KCNQ1: variants seen among roughly 807,000 people sequenced by gnomAD.
The protein encoded by KCNQ1 is potassium voltage-gated channel subfamily Q member 1, also known as potassium voltage-gated channel subfamily KQT member 1.
Under a neutral mutation model 72.4 loss-of-function variants are expected in KCNQ1, and 49 were observed. That is an observed-to-expected ratio of 0.68 (90% CI 0.54 to 0.86). The LOEUF (loss-of-function observed/expected upper bound fraction) is 0.86, where lower values mean the gene tolerates loss of function less well. KCNQ1 is among the 40% of genes least tolerant of loss of function. The pLI is 0.00. For synonymous variants in KCNQ1, 450 were observed against 412.6 expected (o/e 1.09, Z -1.10); for missense variants, 790 against 945.1 (o/e 0.84, Z 2.15).
rs1847538489 is a variant in KCNQ1 at position 2,813,608 on chromosome 11, T to C, written c.1795-34159T>C. On this transcript the variant is annotated intron_variant, in intron 15 of 15. Transcript: ENST00000155840. This position sits in a 1 kb window ranked among gnomAD's most constrained non-coding sequence, Gnocchi z 4.4. ...GTCGAGGGGGCAGGGACTCAAAGGA[T>C]GAGAGAAGGAACAGAGGGGAGGACC... 6.6e-6 allele frequency among the ~76,000 whole-genome samples: 1 copy of C among 151,968 alleles called. No individual in the cohort carries two copies. Among genetic ancestry groups the C allele is most frequent in the East Asian group, 1.9e-4 (1 of 5,162 alleles).
intron 11 of KCNQ1, among the ~76,000 whole-genome samples, chr11:2,754,328 C>T (rs1423678187): frequency 6.6e-6 from 1 of 152,250 alleles, no homozygotes; most frequent in African/African-American, 2.4e-5. Flanking sequence ...CTCACCACCC[C>T]AGCCTCTCAC....
Position 2,693,527 on chromosome 11 carries a change from C to G in KCNQ1, c.1514+31446C>G, listed in dbSNP as rs946091249. 3 of 398,670 alleles carry G rather than the reference C, an allele frequency of 7.5e-6. No individual in the cohort carries two copies. The East Asian group carries it at 1.1e-4, about 14-fold the overall frequency. The allele number at this position is 398,670 out of a possible 1,614,324, so 24.7% of individuals were successfully genotyped here. A position where few individuals can be genotyped will look rare whatever the true frequency, so the allele number is the denominator to read the frequency against. ...ATCCATTTCTTCTCCTGGCTGAGGC[C>G]CGGGCTGCTAGGGAGGTTGAGCCCA... On this transcript the variant is annotated intron_variant, in intron 11 of 15. Transcript: ENST00000155840.
intron 1 of KCNQ1, among the ~76,000 whole-genome samples, chr11:2,467,740 G>A (rs962473508): frequency 5.3e-5 from 8 of 152,202 alleles, no homozygotes; most frequent in Non-Finnish European, 7.3e-5. Context: ...GCCAGCAGGC[G>A]TGCGTCTTGC....
chr11:2,591,419 C>T (rs544061530), intron 10 of KCNQ1, among the ~76,000 whole-genome samples: 17 of 152,358 alleles, frequency 1.1e-4, no homozygotes, highest in Middle Eastern at 3.4e-3. Flanking sequence ...GCCCCCGGGA[C>T]GTGCTCCCGC....
chr11:2,512,380 GTC>G (rs928030446), intron 1 of KCNQ1, among the ~76,000 whole-genome samples: 47 of 152,268 alleles, frequency 3.1e-4, no homozygotes, highest in African/African-American at 1.1e-3. Context: ...CAGGAGAACT[GTC>G]TGTCTCCTAT....
chr11:2,523,894 G>A (rs113745509), intron 1 of KCNQ1, among the ~76,000 whole-genome samples: 184 of 152,134 alleles, frequency 1.2e-3, no homozygotes, highest in African/African-American at 4.2e-3. Context: ...GGAGTGCAGC[G>A]CCTTCCGTGC....
At chr11:2,806,787 G>C (rs541449534) in intron 15 of KCNQ1, among the ~76,000 whole-genome samples, 1 of 152,142 alleles carries the variant, frequency 6.6e-6, no homozygotes, top group Non-Finnish European at 1.5e-5. Context: ...ACCCCTCCCC[G>C]CCCCTCTCTT....
In KCNQ1 at chr11:2,449,020, G is replaced by T. The variant is rs555540658; in HGVS notation, c.386+3536G>T. 2.4e-3 allele frequency among the ~76,000 whole-genome samples: 359 copies of T among 152,360 alleles called. 3 individuals carry two copies. Among genetic ancestry groups the T allele is most frequent in the Non-Finnish European group, 4.4e-3 (299 of 68,024 alleles). ...TGTGGGGACAGGGGATCAGGAGGGT[G>T]GTAGGGACTTGGGTCCTTGCAGGTG... On this transcript the variant is annotated intron_variant, in intron 1 of 15. Transcript: ENST00000155840.
Position 2,567,859 on chromosome 11 carries a change from T to C in KCNQ1, c.478-2769T>C, listed in dbSNP as rs914050071. ...ATAACTTTAAAAAGACACGCAGCTA[T>C]CCACAGCAATCCTTAATAGTTACTT... On this transcript the variant is annotated intron_variant, in intron 2 of 15. Coordinates refer to ENST00000155840, the MANE Select transcript of KCNQ1 (RefSeq NM_000218.3). This position sits in a 1 kb window ranked among gnomAD's most constrained non-coding sequence, Gnocchi z 6.6. Among the ~76,000 whole-genome samples the C allele has an allele frequency of 6.6e-6, 1 of 152,232 alleles. No individual in the cohort carries two copies. Among genetic ancestry groups the C allele is most frequent in the Non-Finnish European group, 1.5e-5 (1 of 68,044 alleles).
In KCNQ1 at chr11:2,626,047, T is replaced by C; in HGVS notation, c.1394-35914T>C. ...GCACACAATGTAAATTTTTAAAATT[T>C]ATCTAGTTTTACTTTTATTGCCTGT... On this transcript the variant is annotated intron_variant, in intron 10 of 15. Coordinates refer to ENST00000155840, the MANE Select transcript of KCNQ1 (RefSeq NM_000218.3). The surrounding 1 kb of genome is among the most constrained non-coding windows in gnomAD (Gnocchi z 4.0). 2.5e-6 allele frequency: 1 copy of C among 398,682 alleles called. No homozygotes were observed. Among genetic ancestry groups the C allele is most frequent in the Non-Finnish European group, 4.4e-6 (1 of 226,064 alleles). The allele number at this position is 398,682 out of a possible 1,614,324, so 24.7% of individuals were successfully genotyped here.
Position 2,659,257 on chromosome 11 carries a change from G to T in KCNQ1, c.1394-2704G>T, listed in dbSNP as rs1849908541. The T allele has an allele frequency of 7.5e-6, 3 of 398,520 alleles. No individual in the cohort carries two copies. The highest frequency in any genetic ancestry group is 1.3e-5 in the Non-Finnish European group (3 of 226,078). The allele number at this position is 398,520 out of a possible 1,614,324, so 24.7% of individuals were successfully genotyped here. A position where few individuals can be genotyped will look rare whatever the true frequency, so the allele number is the denominator to read the frequency against. On this transcript the variant is annotated intron_variant, in intron 10 of 15. Coordinates refer to ENST00000155840, the MANE Select transcript of KCNQ1 (RefSeq NM_000218.3). The surrounding 1 kb of genome is among the most constrained non-coding windows in gnomAD (Gnocchi z 4.3). ...AATACCCTGGGGTGAGTCTTTTGAA[G>T]TCAAGTACTTCTCCCCTAACCACTG...
intron 15 of KCNQ1, among the ~76,000 whole-genome samples, chr11:2,805,895 C>G (rs569391287): frequency 3.3e-5 from 5 of 152,302 alleles, no homozygotes; most frequent in African/African-American, 1.2e-4. Context: ...GGATTCTCTC[C>G]CTAAAGAACA....
intron 10 of KCNQ1, among the ~76,000 whole-genome samples, chr11:2,605,646 A>G (rs1363233232): frequency 6.6e-6 from 1 of 152,194 alleles, no homozygotes; most frequent in Non-Finnish European, 1.5e-5. Context: ...TGATCTACAT[A>G]TCTATCTCAT....
At position 2,695,565 on chromosome 11, in the gene KCNQ1, T is replaced by G. The variant is rs902720102; in HGVS notation, c.1514+33484T>G. 7.5e-6 allele frequency: 3 copies of G among 398,670 alleles called. No individual in the cohort carries two copies. The highest frequency in any genetic ancestry group is 1.3e-5 in the Non-Finnish European group (3 of 226,102). 24.7% of individuals were successfully genotyped at this position (398,670 alleles called of 1,614,324 possible). A position where few individuals can be genotyped will look rare whatever the true frequency, so the allele number is the denominator to read the frequency against. ...CCTATGGGCCATGCTGCCCTGAGCA[T>G]GCACACACACAGCCTCTCGTTGTTC... is the stretch of plus-strand genomic sequence containing the variant. On this transcript the variant is annotated intron_variant, in intron 11 of 15. Coordinates refer to ENST00000155840, the MANE Select transcript of KCNQ1 (RefSeq NM_000218.3). The surrounding 1 kb of genome is among the most constrained non-coding windows in gnomAD (Gnocchi z 5.2).
rs3852520 is a variant in KCNQ1 at position 2,847,648 on chromosome 11, T to C, written c.1795-119T>C. On this transcript the variant is annotated intron_variant, in intron 15 of 15. Coordinates refer to ENST00000155840, the MANE Select transcript of KCNQ1 (RefSeq NM_000218.3). ...ACGTGCGTGCCGCCTGCATACAGCA[T>C]GCACTTGCAGAGACGGTTGGCACCT... 355,310 of 911,196 alleles carry C rather than the reference T, an allele frequency of 0.39. 76,145 individuals carry two copies. The highest frequency in any genetic ancestry group is 0.86 in the East Asian group (32,906 of 38,044). The allele number at this position is 911,196 out of a possible 1,614,324, so 56.4% of individuals were successfully genotyped here.
intron 11 of KCNQ1, chr11:2,684,146 G>A (rs771373489): frequency 1.2e-4 from 46 of 398,482 alleles, no homozygotes; most frequent in Non-Finnish European, 1.8e-4. Flanking sequence ...TGAAGAATGG[G>A]GTACACCAGA....
In KCNQ1 at chr11:2,691,478, C is replaced by T. The variant is rs1286614694; in HGVS notation, c.1514+29397C>T. ...GATGTTGACAGCCTCTTTGTTTTTT[C>T]ATCTCAGCCTATTCAAGGCCATTTT... On this transcript the variant is annotated intron_variant, in intron 11 of 15. Coordinates refer to ENST00000155840, the MANE Select transcript of KCNQ1 (RefSeq NM_000218.3). This position sits in a 1 kb window ranked among gnomAD's most constrained non-coding sequence, Gnocchi z 6.4. 5.0e-6 allele frequency: 2 copies of T among 398,410 alleles called. No individual in the cohort carries two copies. The highest frequency in any genetic ancestry group is 8.8e-6 in the Non-Finnish European group (2 of 226,040). The allele number at this position is 398,410 out of a possible 1,614,324, so 24.7% of individuals were successfully genotyped here.
In KCNQ1 at chr11:2,657,640, A is replaced by C. The variant is rs1849873450; in HGVS notation, c.1394-4321A>C. 1 of 398,592 alleles carries C rather than the reference A, an allele frequency of 2.5e-6. No individual in the cohort carries two copies. The allele number at this position is 398,592 out of a possible 1,614,324, so 24.7% of individuals were successfully genotyped here. A position where few individuals can be genotyped will look rare whatever the true frequency, so the allele number is the denominator to read the frequency against. On this transcript the variant is annotated intron_variant, in intron 10 of 15. Transcript: ENST00000155840. The surrounding 1 kb of genome is among the most constrained non-coding windows in gnomAD (Gnocchi z 4.8). ...GGTACACTATTAAGCTAGAGTTATAAATTTATTTGGATTTCCCCAGTTTAA... is the reference window on the plus strand; with the variant it reads ...GGTACACTATTAAGCTAGAGTTATACATTTATTTGGATTTCCCCAGTTTAA...
chr11:2,578,557 A>T (rs1848454488), intron 6 of KCNQ1, among the ~76,000 whole-genome samples: 1 of 152,240 alleles, frequency 6.6e-6, no homozygotes, highest in African/African-American at 2.4e-5. Flanking sequence ...AGAGGGGAGC[A>T]GGCCTGGGAG....
Sources: allele counts gnomAD v4.1 joint callset (sites outside exome capture counted in the v4.1 genomes callset), GRCh38; gene constraint gnomAD v4.1.1; non-coding constraint Gnocchi (gnomAD v3.1); transcripts MANE v1.5; gene names NCBI Gene and HGNC (gene_info 2026-07-23, HGNC 2026-07-21).